Variants in WDR72 observed in about 807,000 individuals in gnomAD.
WDR72 encodes WD repeat-containing protein 72.
A neutral mutation model predicts 124.2 loss-of-function variants in WDR72; 120 were observed. The observed-to-expected ratio is 0.97, with a 90% CI of 0.83 to 1.12. The LOEUF is 1.12. WDR72 is among the 50% of genes most tolerant of loss of function. The pLI, the probability that WDR72 is intolerant of heterozygous loss-of-function variation, is 0.00. For synonymous variants in WDR72, 452 were observed against 441.7 expected (o/e 1.02, Z -0.29); for missense variants, 1,387 against 1,278.8 (o/e 1.08, Z -1.29).
chr15:53,532,512 A>G (rs1483593359), intron 18 of WDR72, among the ~76,000 whole-genome samples: 1 of 152,118 alleles, frequency 6.6e-6, no homozygotes. Context: ...AACTGGAGGG[A>G]CATTATGTTA....
intron 14 of WDR72, among the ~76,000 whole-genome samples, chr15:53,642,857 A>G (rs993371589): frequency 3.9e-5 from 6 of 151,992 alleles, no homozygotes; most frequent in Non-Finnish European, 7.4e-5. Flanking sequence ...TGTAAATGCT[A>G]TTTTCCTTAT....
intron 14 of WDR72, among the ~76,000 whole-genome samples, chr15:53,657,196 A>G (rs2015455700): frequency 1.4e-5 from 2 of 145,282 alleles, no homozygotes; most frequent in Admixed American, 1.4e-4. Context: ...CCTGGGAGGC[A>G]CAGACTGCAG....
chr15:53,548,422 T>G (rs1200748123), intron 18 of WDR72, among the ~76,000 whole-genome samples: 4 of 152,184 alleles, frequency 2.6e-5, no homozygotes, highest in African/African-American at 9.7e-5. Flanking sequence ...GAATTCCTGT[T>G]GTGCATCCGG....
Position 53,607,089 on chromosome 15 carries a change from T to C in WDR72, c.2952+2424A>G, listed in dbSNP as rs527375980. Among the ~76,000 whole-genome samples the C allele has an allele frequency of 4.6e-5, 7 of 152,240 alleles. No homozygotes were observed. In the East Asian group the frequency reaches 5.8e-4, roughly 13 times the overall value. The stretch of plus-strand genomic sequence containing the variant: ...AAGTTCATAAAAAAGAATAAACTTC[T>C]AGTAAACATTCATCGAATCAACGCA... On this transcript the variant is annotated intron_variant, in intron 17 of 19. Transcript: ENST00000360509.
At chr15:53,654,857 A>G (rs2015361721) in intron 14 of WDR72, among the ~76,000 whole-genome samples, 1 of 152,212 alleles carries the variant, frequency 6.6e-6, no homozygotes, top group Non-Finnish European at 1.5e-5. Flanking sequence ...CAGAAATTTA[A>G]TTACTAAAAA....
intron 14 of WDR72, among the ~76,000 whole-genome samples, chr15:53,638,624 A>C (rs905909249): frequency 4.7e-5 from 7 of 149,206 alleles, no homozygotes; most frequent in Non-Finnish European, 1.5e-5. Flanking sequence ...CTTGCACCAA[A>C]TTACAGAGAA....
In WDR72 at chr15:53,615,653, A is replaced by G; in HGVS notation, c.2553T>C (p.Ser851=). 2.5e-6 allele frequency: 4 copies of G among 1,611,590 alleles called. No individual in the cohort carries two copies. The highest frequency in any genetic ancestry group is 1.1e-5 in the South Asian group (1 of 90,816). Residue 851 remains serine (S), a synonymous_variant, in exon 15 of 20, where the codon AGT becomes AGC. Coordinates refer to ENST00000360509, the MANE Select transcript of WDR72 (RefSeq NM_182758.4). ...LMLPGWDLCN[S]GMIKDYSGVN... is the part of the protein sequence containing the mutation. ...CTCCTGAATAGTCTTTTATCATTCC[A>G]CTATTGCATAAATCCCAACCTGGCA...
chr15:53,762,595 C>T (rs2019079345), upstream of WDR72: 1 of 152,278 alleles, frequency 6.6e-6, no homozygotes, highest in Non-Finnish European at 1.5e-5. Context: ...TCTGCAGGTT[C>T]TTATATCAAA....
intron 18 of WDR72, among the ~76,000 whole-genome samples, chr15:53,544,833 C>T (rs1184661902): frequency 6.6e-6 from 1 of 151,946 alleles, no homozygotes; most frequent in Non-Finnish European, 1.5e-5. Flanking sequence ...ACAAAATCAA[C>T]ATACAAAAAT....
At chr15:53,700,643 T>C (rs1008445378) in intron 12 of WDR72, among the ~76,000 whole-genome samples, 5 of 152,174 alleles carry the variant, frequency 3.3e-5, no homozygotes, top group Non-Finnish European at 7.3e-5. Flanking sequence ...GTTTAAAGCA[T>C]CAGTTTGGAG....
intron 14 of WDR72, among the ~76,000 whole-genome samples, chr15:53,658,899 T>C (rs1035004290): frequency 1.3e-5 from 2 of 152,194 alleles, no homozygotes; most frequent in Non-Finnish European, 2.9e-5. Flanking sequence ...AAAGAACAGG[T>C]TACTATGAAC....
intron 19 of WDR72, among the ~76,000 whole-genome samples, chr15:53,519,581 C>T (rs938690111): frequency 5.9e-5 from 9 of 151,972 alleles, no homozygotes; most frequent in East Asian, 1.9e-4. Context: ...TGAATTATTC[C>T]GAAGACAAGA....
intron 1 of WDR72, among the ~76,000 whole-genome samples, chr15:53,741,835 C>T (rs113579359): frequency 3.3e-5 from 5 of 151,954 alleles, no homozygotes; most frequent in Non-Finnish European, 7.3e-5. Context: ...TCAAGCGATT[C>T]TCCTGTCTCA....
intron 13 of WDR72, among the ~76,000 whole-genome samples, chr15:53,668,796 CTTGGGGGGCT>C (rs2015866870): frequency 6.6e-6 from 1 of 150,376 alleles, no homozygotes; most frequent in African/African-American, 2.4e-5. Flanking sequence ...GTCACAGCTA[CTTGGGGGGCT>C]GAGGTGGGAG....
At chr15:53,637,704 C>T (rs1027028451) in intron 14 of WDR72, among the ~76,000 whole-genome samples, 1 of 152,180 alleles carries the variant, frequency 6.6e-6, no homozygotes, top group Non-Finnish European at 1.5e-5. Flanking sequence ...CCCCTCTTCT[C>T]AGCTTCTATC....
chr15:53,752,904 A>G (rs1332918259), intron 1 of WDR72, among the ~76,000 whole-genome samples: 3 of 152,204 alleles, frequency 2.0e-5, no homozygotes, highest in African/African-American at 7.2e-5. Context: ...TATTAATTCA[A>G]TAATTAGTAT....
intron 18 of WDR72, among the ~76,000 whole-genome samples, chr15:53,569,450 T>C (rs1467232042): frequency 6.6e-6 from 1 of 152,058 alleles, no homozygotes; most frequent in East Asian, 1.9e-4. Flanking sequence ...TGTCATATTT[T>C]TGAAGCACGT....
At chr15:53,590,012 A>G (rs1267997315) in intron 18 of WDR72, among the ~76,000 whole-genome samples, 3 of 152,032 alleles carry the variant, frequency 2.0e-5, no homozygotes, top group Non-Finnish European at 2.9e-5. Context: ...ATAAGATGGG[A>G]TATATTTTAA....
At chr15:53,716,807 T>A (rs1367448343) in intron 3 of WDR72, 122 bp from the exon 4 acceptor site, 1 of 741,790 alleles carries the variant, frequency 1.3e-6, no homozygotes, top group Non-Finnish European at 2.4e-6. Context: ...GTTACAGATT[T>A]TGGGCAAGAA....
Sources: allele counts gnomAD v4.1 joint callset (sites outside exome capture counted in the v4.1 genomes callset), GRCh38; gene constraint gnomAD v4.1.1; transcripts MANE v1.5; gene names NCBI Gene and HGNC (gene_info 2026-07-23, HGNC 2026-07-21).